RAB27B: variants seen among roughly 807,000 people sequenced by gnomAD.
RAB27B encodes the protein RAB27B, member RAS oncogene family.
RAB27B carries 15 observed loss-of-function variants against 24.6 expected under a neutral mutation model. The observed-to-expected ratio is 0.61, with a 90% CI of 0.41 to 0.94. The LOEUF (loss-of-function observed/expected upper bound fraction) is 0.94, where lower values mean the gene tolerates loss of function less well. Among genes scored for constraint, RAB27B ranks in the 40% least tolerant of loss-of-function variants. RAB27B has a pLI of 0.00. For synonymous variants in RAB27B, 105 were observed against 92.5 expected (o/e 1.14, Z -0.78); for missense variants, 261 against 266.8 (o/e 0.98, Z 0.15).
chr18:54,770,291 C>T (rs1908502317), intron 2 of RAB27B, among the ~76,000 whole-genome samples: 1 of 152,122 alleles, frequency 6.6e-6, no homozygotes, highest in Non-Finnish European at 1.5e-5. Flanking sequence ...TGTTTACAGC[C>T]ACTCCCTGTA....
intron 1 of RAB27B, among the ~76,000 whole-genome samples, chr18:54,876,086 T>C (rs2311125): frequency 0.9 from 137,289 of 151,958 alleles, 63,653 homozygotes; most frequent in East Asian, 1. Flanking sequence ...ACAATCATGG[T>C]GGAAGGTGAA....
At chr18:54,848,580 G>A (rs1013764346) in intron 1 of RAB27B, among the ~76,000 whole-genome samples, 4 of 152,094 alleles carry the variant, frequency 2.6e-5, no homozygotes, top group African/African-American at 4.8e-5. Context: ...ATTTAGAAGA[G>A]TAAACAAAAA....
intron 2 of RAB27B, among the ~76,000 whole-genome samples, chr18:54,816,059 T>C (rs1008898509): frequency 1.3e-5 from 2 of 152,248 alleles, no homozygotes; most frequent in African/African-American, 2.4e-5. Flanking sequence ...ATAGTTTGTG[T>C]ATGTGATGGC....
intron 2 of RAB27B, among the ~76,000 whole-genome samples, chr18:54,732,384 A>G (rs4801025): frequency 0.69 from 105,006 of 151,998 alleles, 37,031 homozygotes; most frequent in Non-Finnish European, 0.78. Context: ...ATAAAGTGAT[A>G]TTTGAAAGAG....
intron 2 of RAB27B, among the ~76,000 whole-genome samples, chr18:54,733,699 T>C (rs1187786855): frequency 7.3e-6 from 1 of 137,676 alleles, no homozygotes; most frequent in Non-Finnish European, 1.6e-5. Flanking sequence ...AGAAGTTTAC[T>C]TCTTTCCTAT....
intron 2 of RAB27B, among the ~76,000 whole-genome samples, chr18:54,767,222 T>A (rs1173613367): frequency 6.6e-6 from 1 of 152,182 alleles, no homozygotes; most frequent in Non-Finnish European, 1.5e-5. Context: ...AAATGTTTGC[T>A]CTAATACTCC....
intron 2 of RAB27B, among the ~76,000 whole-genome samples, chr18:54,878,777 C>A (rs746113075): frequency 6.6e-6 from 1 of 151,954 alleles, no homozygotes; most frequent in South Asian, 2.1e-4. Context: ...ATTAAACTTA[C>A]CTAAAAAGAG....
chr18:54,818,204 A>G (rs1470111718), intron 2 of RAB27B, among the ~76,000 whole-genome samples: 5 of 152,156 alleles, frequency 3.3e-5, no homozygotes, highest in African/African-American at 1.2e-4. Context: ...TGTATTTGTA[A>G]TGGTATTGCA....
intron 2 of RAB27B, among the ~76,000 whole-genome samples, chr18:54,763,654 GGAGA>G (rs765923608): frequency 1.3e-5 from 2 of 152,124 alleles, no homozygotes; most frequent in African/African-American, 2.4e-5. Flanking sequence ...TCTGTTCGAA[GGAGA>G]GAGAAACGGG....
At chr18:54,784,029 A>T (rs1248855120) in intron 2 of RAB27B, among the ~76,000 whole-genome samples, 1 of 152,186 alleles carries the variant, frequency 6.6e-6, no homozygotes, top group Non-Finnish European at 1.5e-5. Flanking sequence ...GTTTTCAAAG[A>T]CAAGGGTACT....
chr18:54,772,174 G>A (rs2145072517), intron 2 of RAB27B, among the ~76,000 whole-genome samples: 1 of 152,296 alleles, frequency 6.6e-6, no homozygotes, highest in South Asian at 2.1e-4. Context: ...TAGAGGTCCT[G>A]GATAGGGACT....
intron 1 of RAB27B, among the ~76,000 whole-genome samples, chr18:54,853,435 G>A (rs1377617231): frequency 6.6e-6 from 1 of 151,820 alleles, no homozygotes; most frequent in Non-Finnish European, 1.5e-5. Flanking sequence ...CTTGCTTTAT[G>A]TATATATATA....
At chr18:54,846,336 G>A (rs1045725505) in intron 1 of RAB27B, among the ~76,000 whole-genome samples, 18 of 152,182 alleles carry the variant, frequency 1.2e-4, no homozygotes, top group African/African-American at 3.9e-4. Context: ...CTAGAGGCTC[G>A]CAGGAGCCTA....
chr18:54,740,627 G>T (rs1333991972), intron 2 of RAB27B, among the ~76,000 whole-genome samples: 1 of 152,176 alleles, frequency 6.6e-6, no homozygotes, highest in Non-Finnish European at 1.5e-5. Context: ...TGGCTAAAGT[G>T]GTCCTGTTGG....
intron 2 of RAB27B, among the ~76,000 whole-genome samples, chr18:54,775,598 G>A (rs1021835447): frequency 1.3e-4 from 20 of 152,206 alleles, no homozygotes; most frequent in South Asian, 4.1e-4. Flanking sequence ...ATCTGCTGCA[G>A]TGAATTGAAT....
intron 2 of RAB27B, among the ~76,000 whole-genome samples, chr18:54,754,803 C>T (rs1379121513): frequency 6.6e-6 from 1 of 152,154 alleles, no homozygotes; most frequent in Non-Finnish European, 1.5e-5. Flanking sequence ...TCTGGACTTT[C>T]TGTTGTTGGA....
At chr18:54,765,105 C>CA (rs374966011) in intron 2 of RAB27B, among the ~76,000 whole-genome samples, 46 of 151,658 alleles carry the variant, frequency 3.0e-4, no homozygotes, top group African/African-American at 9.0e-4. Context: ...AACAAACAAG[C>CA]AAAAAAAACC....
At chr18:54,806,675 A>G (rs1909800430) in intron 2 of RAB27B, among the ~76,000 whole-genome samples, 1 of 151,302 alleles carries the variant, frequency 6.6e-6, no homozygotes, top group Admixed American at 6.6e-5. Flanking sequence ...GGCTTTCAGG[A>G]TGTTATGTTA....
At chr18:54,771,207 G>C (rs960505773) in intron 2 of RAB27B, among the ~76,000 whole-genome samples, 30 of 152,170 alleles carry the variant, frequency 2.0e-4, no homozygotes, top group African/African-American at 7.0e-4. Context: ...TCATTTTATA[G>C]ATAAAATGAA....
Sources: gnomAD v4.1 joint callset for allele counts (sites outside exome capture counted in the v4.1 genomes callset) on GRCh38, gnomAD v4.1.1 for gene constraint, MANE v1.5 for transcripts, NCBI Gene and HGNC (gene_info 2026-07-23, HGNC 2026-07-21) for gene names.